Variants in BTBD8 observed in about 807,000 individuals in gnomAD.
BTBD8 encodes the protein BTB/POZ domain-containing protein 8.
BTBD8 carries 110 observed loss-of-function variants against 162.9 expected under a neutral mutation model. The observed-to-expected ratio is 0.68, with a 90% CI of 0.58 to 0.79. BTBD8 has a LOEUF of 0.79. Among genes scored for constraint, BTBD8 ranks in the 30% least tolerant of loss-of-function variants. BTBD8 has a pLI of 0.00. For missense variants in BTBD8, 1,905 were observed against 2,085.4 expected, an observed-to-expected ratio of 0.91 and a Z score of 1.68; for synonymous variants, 667 against 716.1, an observed-to-expected ratio of 0.93 and a Z score of 1.10.
intron 4 of BTBD8, among the ~76,000 whole-genome samples, chr1:92,123,945 T>C (rs769746246): frequency 2.1e-4 from 32 of 152,092 alleles, no homozygotes; most frequent in Non-Finnish European, 4.4e-4. Flanking sequence ...TCAAGTCTAA[T>C]AAGGGCTTGT....
At chr1:92,168,073 A>G (rs912842271) in intron 11 of BTBD8, 88 bp downstream of exon 11, 4 of 1,242,830 alleles carry the variant, frequency 3.2e-6, no homozygotes, top group Non-Finnish European at 4.4e-6. Context: ...TTGCAGGGTC[A>G]TTGAAGCTAG....
chr1:92,152,445 A>C (rs1175971341), intron 9 of BTBD8, among the ~76,000 whole-genome samples: 1 of 152,218 alleles, frequency 6.6e-6, no homozygotes, highest in East Asian at 1.9e-4. Context: ...TCTGACTGGA[A>C]TAATAAGAGA....
chr1:92,167,128 T>C lies in BTBD8; in HGVS notation c.1293T>C (p.Ala431=). ...AGATTATTCAGAGTGAAAATTTTGC[T>C]CTTCTTTTACAGGTACTATGCCTAA... ...FSKIIQSENF[A]LLLQSQAMSS... Residue 431 remains alanine (A), a synonymous_variant, in exon 10 of 18, where the codon GCT becomes GCC. Transcript: ENST00000636805. 6.4e-7 allele frequency: 1 copy of C among 1,550,548 alleles called. No homozygotes were observed. The highest frequency in any genetic ancestry group is 1.4e-5 in the African/African-American group (1 of 73,162).
rs149006914 is a variant in BTBD8 at position 92,184,406 on chromosome 1, T to G, written c.*76T>G. The stretch of plus-strand genomic sequence containing the variant: ...ATATTATATCCAAATGATAATTGCA[T>G]TAGCCGGATATAAACTTTCTTTAAT... On this transcript the variant is annotated 3_prime_UTR_variant, in exon 18 of 18. Transcript: ENST00000636805. The G allele has an allele frequency of 9.8e-5, 87 of 887,934 alleles. 1 individual carries two copies. The African/African-American group carries it at 1.3e-3, about 13-fold the overall frequency. 55.0% of individuals were successfully genotyped at this position (887,934 alleles called of 1,614,324 possible).
At chr1:92,121,710 T>A (rs1401529255) in intron 4 of BTBD8, among the ~76,000 whole-genome samples, 1 of 152,194 alleles carries the variant, frequency 6.6e-6, no homozygotes, top group African/African-American at 2.4e-5. Context: ...AAAGTCCCCT[T>A]GTACCCATTT....
Position 92,165,165 on chromosome 1 carries a change from G to T in BTBD8, c.1123-1793G>T, listed in dbSNP as rs80182578. Among the ~76,000 whole-genome samples, 878 of 151,264 alleles carry T rather than the reference G, an allele frequency of 5.8e-3. 11 individuals are homozygous for T. The highest frequency in any genetic ancestry group is 0.021 in the African/African-American group (847 of 41,308). ...TATTAGTAAATGGTTAAAATTTTTA[G>T]TTTTGAAGTTGAAAGATTAAACTTG... On this transcript the variant is annotated intron_variant, in intron 9 of 17. Transcript: ENST00000636805.
chr1:92,151,066 T>C (rs1016410371), intron 9 of BTBD8, among the ~76,000 whole-genome samples: 2 of 151,964 alleles, frequency 1.3e-5, no homozygotes, highest in Non-Finnish European at 1.5e-5. Context: ...AAAAAGTAAA[T>C]GTAAGGCTAG....
intron 4 of BTBD8, among the ~76,000 whole-genome samples, chr1:92,111,055 A>G (rs555873392): frequency 1.3e-5 from 2 of 149,958 alleles, no homozygotes; most frequent in African/African-American, 2.5e-5. Context: ...GCAGTGGCGT[A>G]ATCTTAGCTC....
intron 7 of BTBD8, 96 bp downstream of exon 7, chr1:92,141,307 T>C (rs928736009): frequency 2.2e-5 from 28 of 1,250,240 alleles, no homozygotes; most frequent in Non-Finnish European, 3.0e-5. Context: ...GCTTTAAATA[T>C]TTAAAATATT....
chr1:92,144,810 T>TACACACAC lies in BTBD8; in HGVS notation c.931-2345_931-2338dup, dbSNP rs10631515. Among the ~76,000 whole-genome samples the TACACACAC allele has an allele frequency of 6.8e-3, 960 of 140,784 alleles. 4 individuals carry two copies. The highest frequency in any genetic ancestry group is 0.015 in the African/African-American group (566 of 37,684). The allele number at this position is 140,784 out of a possible 152,430, so 92.4% of individuals were successfully genotyped here. The stretch of plus-strand genomic sequence containing the variant: ...TGGGTGACAGAGCCAAAAAAAAAAC[T>TACACACAC]ACACACACACACACACACACACACA... On this transcript the variant is annotated intron_variant, in intron 7 of 17. Transcript: ENST00000636805.
intron 5 of BTBD8, among the ~76,000 whole-genome samples, chr1:92,130,733 C>T (rs1490925215): frequency 6.6e-6 from 1 of 151,986 alleles, no homozygotes; most frequent in Non-Finnish European, 1.5e-5. Flanking sequence ...GAGTCTCATT[C>T]GGTCACCCAG....
Position 92,177,096 on chromosome 1 carries a change from A to G in BTBD8, c.1903A>G (p.Lys635Glu). Reference sequence around the variant, plus strand: ...GGGAAAAAATGTTTCTGGAAAGCCCAAAACTGTAACAAAATCCAAAACAGA... The same window carrying G: ...GGGAAAAAATGTTTCTGGAAAGCCCGAAACTGTAACAAAATCCAAAACAGA... ...TGGKNVSGKP[K>E]TVTKSKTENG... is the part of the protein sequence containing the mutation. Residue 635 changes from lysine to glutamate, a missense_variant, in exon 14 of 18, where the codon AAA becomes GAA. Physicochemically the swap from Lys to Glu is moderately conservative, Grantham distance 56. Around this residue, in one of 3 missense-constraint regions of BTBD8, gnomAD observed 1,374 missense variants for 1,442.7 expected, o/e 0.95. Transcript: ENST00000636805. 1.9e-6 allele frequency: 3 copies of G among 1,551,760 alleles called. No individual in the cohort carries two copies. Among genetic ancestry groups the G allele is most frequent in the Non-Finnish European group, 2.6e-6 (3 of 1,147,012 alleles).
At chr1:92,124,727 A>G (rs544793072) in intron 4 of BTBD8, among the ~76,000 whole-genome samples, 7 of 152,222 alleles carry the variant, frequency 4.6e-5, no homozygotes, top group Non-Finnish European at 1.0e-4. Flanking sequence ...CTGTCTCTCT[A>G]TATATGTTTT....
chr1:92,168,873 C>G lies in BTBD8; in HGVS notation c.1451C>G (p.Thr484Arg). Residue 484 changes from threonine (T) to arginine (R), a missense_variant, in exon 12 of 18, where the codon ACG (threonine) becomes AGG (arginine). Thr to Arg is a moderately conservative substitution (Grantham distance 71). Around this residue, in one of 3 missense-constraint regions of BTBD8, gnomAD observed 1,374 missense variants for 1,442.7 expected, o/e 0.95. Transcript: ENST00000636805. ...TTTGTTGCTTGAACACAGGGTTTTA[C>G]GTGCAAGATCCAGGCTCTGCGTGAT... ...NSDSTKEMGFTCKIQALRDKL... is the reference protein window; with the variant it reads ...NSDSTKEMGFRCKIQALRDKL... 1 of 1,517,510 alleles carries G rather than the reference C, an allele frequency of 6.6e-7. No individual in the cohort carries two copies. Among genetic ancestry groups the G allele is most frequent in the Non-Finnish European group, 8.9e-7 (1 of 1,121,244 alleles). The allele number at this position is 1,517,510 out of a possible 1,614,324, so 94.0% of individuals were successfully genotyped here.
intron 16 of BTBD8, among the ~76,000 whole-genome samples, chr1:92,179,357 T>C (rs1037621988): frequency 6.6e-6 from 1 of 152,208 alleles, no homozygotes; most frequent in Non-Finnish European, 1.5e-5. Context: ...TGTTTTTCAG[T>C]GTTCTGAAAA....
intron 5 of BTBD8, among the ~76,000 whole-genome samples, chr1:92,133,411 G>C (rs182770304): frequency 6.6e-6 from 1 of 152,326 alleles, no homozygotes; most frequent in East Asian, 1.9e-4. Flanking sequence ...TTTCTAGAGA[G>C]AAAAGGGTTC....
At chr1:92,176,192 G>A (rs527585415) in intron 13 of BTBD8, among the ~76,000 whole-genome samples, 1 of 152,188 alleles carries the variant, frequency 6.6e-6, no homozygotes, top group Admixed American at 6.5e-5. Flanking sequence ...TAAAATTTCT[G>A]GCACTTGGAA....
chr1:92,182,045 A>G lies in BTBD8; in HGVS notation c.4362A>G (p.Glu1454=). The G allele has an allele frequency of 6.4e-7, 1 of 1,551,516 alleles. No homozygotes were observed. The highest frequency in any genetic ancestry group is 8.7e-7 in the Non-Finnish European group (1 of 1,146,910). The change falls in exon 17 of 18, where the codon GAA becomes GAG. Residue 1454 remains glutamate (E), a synonymous_variant. Transcript: ENST00000636805. ...ECEELGSDEG[E]VHTPFQASVD... is the part of the protein sequence containing the mutation. ...AAGAGCTGGGATCAGATGAAGGAGA[A>G]GTCCATACTCCCTTTCAGGCTTCTG... is the stretch of plus-strand genomic sequence containing the variant.
intron 1 of BTBD8, among the ~76,000 whole-genome samples, chr1:92,086,922 T>C (rs1308090068): frequency 6.6e-6 from 1 of 152,176 alleles, no homozygotes; most frequent in African/African-American, 2.4e-5. Flanking sequence ...TATTCTGTTA[T>C]AGCAGCACAA....
Sources: allele counts gnomAD v4.1 joint callset (sites outside exome capture counted in the v4.1 genomes callset), GRCh38; gene constraint gnomAD v4.1.1; regional missense constraint gnomAD v4.1.1; transcripts MANE v1.5; gene names NCBI Gene and HGNC (gene_info 2026-07-23, HGNC 2026-07-21).